Variants in HSF2BP observed in about 807,000 individuals in gnomAD.
The protein encoded by HSF2BP is heat shock transcription factor 2 binding protein, also known as heat shock factor 2-binding protein.
HSF2BP carries 35 observed loss-of-function variants against 35.0 expected under a neutral mutation model. The ratio of observed to expected loss-of-function variants is 1.00; its 90% confidence interval spans 0.76 to 1.32. The LOEUF is 1.32. HSF2BP is among the 40% of genes most tolerant of loss of function. The probability of loss-of-function intolerance (pLI) is 0.00; values close to 1 mark genes in which losing one functional copy is unlikely to be tolerated. For missense variants in HSF2BP, 326 were observed against 321.7 expected, an observed-to-expected ratio of 1.01 and a Z score of -0.10; for synonymous variants, 114 against 117.4, an observed-to-expected ratio of 0.97 and a Z score of 0.18.
At chr21:43,602,537 T>C (rs1273760111) in intron 7 of HSF2BP, among the ~76,000 whole-genome samples, 3 of 152,110 alleles carry the variant, frequency 2.0e-5, no homozygotes, top group Non-Finnish European at 2.9e-5. Context: ...ATTCAACTGG[T>C]AACACCTGGG....
At chr21:43,638,022 G>A (rs765746986) in intron 4 of HSF2BP, among the ~76,000 whole-genome samples, 14 of 152,132 alleles carry the variant, frequency 9.2e-5, no homozygotes, top group Non-Finnish European at 1.6e-4. Context: ...GCCTGGCTAC[G>A]CAAGAAGGAA....
intron 8 of HSF2BP, among the ~76,000 whole-genome samples, chr21:43,580,569 T>A (rs1029909693): frequency 3.3e-5 from 5 of 152,248 alleles, no homozygotes; most frequent in African/African-American, 1.2e-4. Flanking sequence ...TTGGACATTC[T>A]GAAGGAGAAG....
chr21:43,618,926 CAG>C (rs1202731419), intron 6 of HSF2BP, among the ~76,000 whole-genome samples: 3 of 148,770 alleles, frequency 2.0e-5, no homozygotes, highest in African/African-American at 7.5e-5. Context: ...GCCTGAGCGA[CAG>C]AGCAAGACTC....
At chr21:43,618,719 G>A (rs1024494838) in intron 6 of HSF2BP, among the ~76,000 whole-genome samples, 5 of 151,370 alleles carry the variant, frequency 3.3e-5, no homozygotes, top group African/African-American at 9.7e-5. Flanking sequence ...GGCAGATCAC[G>A]AGGTCAGGAG....
chr21:43,636,987 AAC>A (rs2082570873), intron 4 of HSF2BP, among the ~76,000 whole-genome samples: 1 of 152,066 alleles, frequency 6.6e-6, no homozygotes, highest in Non-Finnish European at 1.5e-5. Context: ...CATTATTCAT[AAC>A]AGTCAAAAAC....
chr21:43,642,199 A>C (rs1346579202), intron 4 of HSF2BP, among the ~76,000 whole-genome samples: 1 of 152,098 alleles, frequency 6.6e-6, no homozygotes. Flanking sequence ...AATAAAAATT[A>C]ATTAATTAAT....
At chr21:43,626,602 G>C (rs1381330952) in intron 6 of HSF2BP, among the ~76,000 whole-genome samples, 1 of 152,180 alleles carries the variant, frequency 6.6e-6, no homozygotes, top group Non-Finnish European at 1.5e-5. Flanking sequence ...TATGGAAAAT[G>C]TTCTAATCCT....
intron 7 of HSF2BP, among the ~76,000 whole-genome samples, chr21:43,598,395 T>TTG (rs1348310006): frequency 6.6e-6 from 1 of 150,868 alleles, no homozygotes; most frequent in Non-Finnish European, 1.5e-5. Flanking sequence ...TTTTGTTTTT[T>TTG]TTTTTTAGTA....
chr21:43,633,206 G>T, intron 5 of HSF2BP, 66 bp downstream of exon 5: 1 of 1,516,480 alleles, frequency 6.6e-7, no homozygotes, highest in Non-Finnish European at 8.9e-7. Flanking sequence ...GCCTTAATAA[G>T]CTATATGCTC....
At chr21:43,616,661 C>A (rs778989531) in intron 6 of HSF2BP, among the ~76,000 whole-genome samples, 13 of 149,324 alleles carry the variant, frequency 8.7e-5, no homozygotes, top group Admixed American at 6.6e-4. Flanking sequence ...AGAAAAAACA[C>A]GGTGGCTCAC....
At chr21:43,459,751 G>A in the HSF2BP span, among the ~76,000 whole-genome samples, 1 of 24,204 alleles carries the variant, frequency 4.1e-5, no homozygotes, top group Non-Finnish European at 7.6e-5. Context: ...AGGCTGACCC[G>A]TGCAGGGGGC....
intron 6 of HSF2BP, among the ~76,000 whole-genome samples, chr21:43,630,038 A>C (rs113131855): frequency 0.025 from 3,777 of 152,338 alleles, 50 homozygotes; most frequent in Middle Eastern, 0.065. Context: ...AGCAGTCATC[A>C]ATATCACGGC....
intron 8 of HSF2BP, among the ~76,000 whole-genome samples, chr21:43,583,630 AGACCTGCTGAGGGAGATGAAG>A (rs2081797000): frequency 1.5e-5 from 2 of 129,232 alleles, no homozygotes; most frequent in African/African-American, 6.0e-5. Flanking sequence ...AGGGAGATGA[AGACCTGCTGAGGGAGATGAAG>A]GACCTGCTGA....
At chr21:43,578,037 CT>C (rs2081667052) in intron 8 of HSF2BP, among the ~76,000 whole-genome samples, 1 of 152,160 alleles carries the variant, frequency 6.6e-6, no homozygotes, top group South Asian at 2.1e-4. Flanking sequence ...TTGCTGACTC[CT>C]TTTTTGGACT....
intron 7 of HSF2BP, among the ~76,000 whole-genome samples, chr21:43,599,905 G>C (rs1272085261): frequency 8.8e-5 from 13 of 147,284 alleles, no homozygotes; most frequent in Middle Eastern, 7.2e-3. Context: ...TCTGCTTCCT[G>C]CCACAAACCT....
intron 3 of HSF2BP, among the ~76,000 whole-genome samples, chr21:43,651,639 A>G (rs2082787514): frequency 6.6e-6 from 1 of 152,204 alleles, no homozygotes; most frequent in African/African-American, 2.4e-5. Context: ...ATTGTCTTCC[A>G]TAAACTGTTC....
chr21:43,643,706 C>T (rs1455726776), intron 4 of HSF2BP, among the ~76,000 whole-genome samples: 1 of 152,216 alleles, frequency 6.6e-6, no homozygotes, highest in African/African-American at 2.4e-5. Flanking sequence ...CGCCTGTAAT[C>T]CCAGCCCTTT....
intron 6 of HSF2BP, among the ~76,000 whole-genome samples, chr21:43,620,687 C>A (rs930696349): frequency 6.6e-6 from 1 of 151,760 alleles, no homozygotes; most frequent in African/African-American, 2.4e-5. Context: ...AGAGCAAGAT[C>A]CCATCTCTAA....
intron 4 of HSF2BP, among the ~76,000 whole-genome samples, chr21:43,637,807 G>GA (rs58493445): frequency 0.55 from 80,068 of 144,412 alleles, 22,084 homozygotes; most frequent in East Asian, 0.69. Flanking sequence ...CCTGTCTCTG[G>GA]AAAAAAAAAA....
Sources: allele counts gnomAD v4.1 joint callset (sites outside exome capture counted in the v4.1 genomes callset), GRCh38; gene constraint gnomAD v4.1.1; transcripts MANE v1.5; gene names NCBI Gene and HGNC (gene_info 2026-07-23, HGNC 2026-07-21).